The following ACSS3 variants were observed in gnomAD, a reference collection of about 807,000 sequenced individuals.
The protein encoded by ACSS3 is acyl-CoA synthetase short-chain family member 3, mitochondrial.
A neutral mutation model predicts 84.2 loss-of-function variants in ACSS3; 64 were observed. The ratio of observed to expected loss-of-function variants is 0.76; its 90% CI spans 0.62 to 0.94. The LOEUF (loss-of-function observed/expected upper bound fraction) is 0.94, where lower values mean the gene tolerates loss of function less well. ACSS3 is among the 40% of genes least tolerant of loss of function. The pLI is 0.00. For missense variants in ACSS3, 815 were observed against 867.6 expected (o/e 0.94, Z 0.76); for synonymous variants, 317 against 310.1 (o/e 1.02, Z -0.23).
chr12:81,244,917 G>C (rs1185752712), intron 13 of ACSS3, among the ~76,000 whole-genome samples: 1 of 151,980 alleles, frequency 6.6e-6, no homozygotes, highest in African/African-American at 2.4e-5. Context: ...GTGTGTGTGT[G>C]TGTGTGTGTG....
intron 2 of ACSS3, among the ~76,000 whole-genome samples, chr12:81,119,604 C>A (rs4842383): frequency 2.0e-5 from 3 of 151,826 alleles, no homozygotes; most frequent in African/African-American, 7.3e-5. Flanking sequence ...TATTAATATT[C>A]CTTGCTAGGA....
At chr12:81,165,369 G>T (rs1887349833) in intron 7 of ACSS3, among the ~76,000 whole-genome samples, 1 of 152,190 alleles carries the variant, frequency 6.6e-6, no homozygotes, top group Non-Finnish European at 1.5e-5. Flanking sequence ...ACAGAGGCCG[G>T]GCGCAGTGGC....
chr12:81,181,768 A>AAAAAAG (rs1555178623), intron 8 of ACSS3, among the ~76,000 whole-genome samples: 1 of 143,612 alleles, frequency 7.0e-6, no homozygotes. Flanking sequence ...AAAAAAAAAA[A>AAAAAAG]GCAATAGAGA....
At chr12:81,156,597 A>G (rs915938217) in intron 7 of ACSS3, among the ~76,000 whole-genome samples, 1 of 152,176 alleles carries the variant, frequency 6.6e-6, no homozygotes, top group African/African-American at 2.4e-5. Context: ...CCAGTACCAC[A>G]TGTGAAACAG....
intron 7 of ACSS3, among the ~76,000 whole-genome samples, chr12:81,161,703 T>TC (rs1411599857): frequency 6.6e-6 from 1 of 152,208 alleles, no homozygotes; most frequent in African/African-American, 2.4e-5. Context: ...TGCTGGGCTC[T>TC]CTCTGCCCAC....
chr12:81,131,295 T>C (rs1885484797), intron 2 of ACSS3, among the ~76,000 whole-genome samples: 1 of 152,200 alleles, frequency 6.6e-6, no homozygotes, highest in Non-Finnish European at 1.5e-5. Context: ...TGTCCTCTTT[T>C]ATTTTGTTGA....
rs71098134 is a variant in ACSS3 at position 81,251,668 on chromosome 12, C to CAAAAAAAAAAA, written c.1720-1633_1720-1623dup. ...GGAACATGGCGAAACCCCATCTCTACAAAAAAAAAAAAAAAATACAAAAAT... is the reference window on the plus strand; with the variant it reads ...GGAACATGGCGAAACCCCATCTCTACAAAAAAAAAAAAAAAAAAAAAAAAAAATACAAAAAT... On this transcript the variant is annotated intron_variant, in intron 13 of 15. Transcript: ENST00000548058. 2.8e-3 allele frequency among the ~76,000 whole-genome samples: 244 copies of CAAAAAAAAAAA among 87,780 alleles called. 8 individuals are homozygous for CAAAAAAAAAAA. Among genetic ancestry groups the CAAAAAAAAAAA allele is most frequent in the African/African-American group, 7.5e-3 (189 of 25,064 alleles). 57.6% of individuals were successfully genotyped at this position (87,780 alleles called of 152,430 possible).
intron 5 of ACSS3, among the ~76,000 whole-genome samples, chr12:81,149,083 GA>G (rs557971395): frequency 4.3e-4 from 64 of 150,346 alleles, no homozygotes; most frequent in Middle Eastern, 3.4e-3. Flanking sequence ...CATCTCAAAG[GA>G]AAAAAAAGAA....
intron 7 of ACSS3, among the ~76,000 whole-genome samples, chr12:81,169,167 A>C (rs1887539779): frequency 6.6e-6 from 1 of 152,174 alleles, no homozygotes; most frequent in South Asian, 2.1e-4. Context: ...AAGATGGAGA[A>C]AGGCAAGATG....
chr12:81,086,157 G>A (rs982579341), intron 1 of ACSS3, among the ~76,000 whole-genome samples: 3 of 152,082 alleles, frequency 2.0e-5, no homozygotes, highest in African/African-American at 7.2e-5. Context: ...CTGGTTTGAA[G>A]GTGAGAGTGT....
chr12:81,220,111 G>T, intron 11 of ACSS3, 35 bp downstream of exon 11: 2 of 1,369,902 alleles, frequency 1.5e-6, no homozygotes, highest in Non-Finnish European at 9.9e-7. Context: ...ATATTAAAGG[G>T]CAAAAACTGG....
At chr12:81,098,151 AGT>A (rs1555243703) in intron 1 of ACSS3, among the ~76,000 whole-genome samples, 3 of 129,316 alleles carry the variant, frequency 2.3e-5, no homozygotes, top group East Asian at 4.9e-4. Context: ...AGAGAGAGAG[AGT>A]GTGTGTGTGT....
At position 81,160,825 on chromosome 12, in the gene ACSS3, G is replaced by T. The variant is rs568409471; in HGVS notation, c.1098+8729G>T. ...GAGAGGAAGCATACTAGTTAAGGCT[G>T]CCATGGTATGATTTCTGACACTTCT... On this transcript the variant is annotated intron_variant, in intron 7 of 15. Coordinates refer to ENST00000548058, the MANE Select transcript of ACSS3 (RefSeq NM_024560.4). Among the ~76,000 whole-genome samples the T allele has an allele frequency of 9.9e-5, 15 of 152,248 alleles. No homozygotes were observed. In the South Asian group the frequency reaches 3.1e-3, roughly 32 times the overall value.
At chr12:81,150,083 T>G (rs749936115) in intron 5 of ACSS3, among the ~76,000 whole-genome samples, 1 of 152,182 alleles carries the variant, frequency 6.6e-6, no homozygotes, top group Non-Finnish European at 1.5e-5. Context: ...GAATTACTAC[T>G]CAGTTATGTC....
intron 13 of ACSS3, among the ~76,000 whole-genome samples, chr12:81,240,162 AGGAGTGT>A (rs1344091671): frequency 6.6e-6 from 1 of 151,998 alleles, no homozygotes; most frequent in Non-Finnish European, 1.5e-5. Context: ...TTTCCAACAC[AGGAGTGT>A]TAAAGTCTTG....
At chr12:81,107,525 T>C (rs1482272366) in intron 1 of ACSS3, among the ~76,000 whole-genome samples, 19 of 87,208 alleles carry the variant, frequency 2.2e-4, no homozygotes, top group African/African-American at 6.4e-4. Context: ...TATATATATA[T>C]ATATATATAT....
rs948535385 is a variant in ACSS3 at position 81,151,322 on chromosome 12, G to C, written c.922-522G>C. Among the ~76,000 whole-genome samples the C allele has an allele frequency of 3.9e-5, 6 of 152,258 alleles. 1 individual carries two copies. Among genetic ancestry groups the C allele is most frequent in the Non-Finnish European group, 7.4e-5 (5 of 68,006 alleles). On this transcript the variant is annotated intron_variant, in intron 5 of 15. Transcript: ENST00000548058. ...GAGTTCATAACTAAAGAATTGCTCA[G>C]CTTTAAAGTGTGCTTGCATGATCCT... is the stretch of plus-strand genomic sequence containing the variant.
At chr12:81,246,072 C>T (rs994214021) in intron 13 of ACSS3, among the ~76,000 whole-genome samples, 4 of 152,146 alleles carry the variant, frequency 2.6e-5, no homozygotes, top group Admixed American at 6.5e-5. Context: ...AAGTCAACAG[C>T]GACCCACTCT....
At chr12:81,136,611 T>C (rs1455698613) in intron 3 of ACSS3, among the ~76,000 whole-genome samples, 2 of 151,978 alleles carry the variant, frequency 1.3e-5, no homozygotes, top group Non-Finnish European at 2.9e-5. Context: ...AGAAAAAGAA[T>C]CTGAGTCAAG....
Sources: allele counts gnomAD v4.1 joint callset (sites outside exome capture counted in the v4.1 genomes callset), GRCh38; gene constraint gnomAD v4.1.1; transcripts MANE v1.5; gene names NCBI Gene and HGNC (gene_info 2026-07-23, HGNC 2026-07-21).